The following LRCH1 variants were observed in gnomAD, a reference collection of about 807,000 sequenced individuals.
LRCH1 encodes the protein leucine-rich repeat and calponin homology domain-containing protein 1.
A neutral mutation model predicts 94.9 loss-of-function variants in LRCH1; 23 were observed. The ratio of observed to expected loss-of-function variants is 0.24; its 90% CI spans 0.17 to 0.34. The LOEUF is 0.34. LRCH1 is among the 10% of genes least tolerant of loss of function. The pLI, the probability that LRCH1 is intolerant of heterozygous loss-of-function variation, is 1.00. For missense variants in LRCH1, 790 were observed against 945.9 expected (o/e 0.84, Z 2.16); for synonymous variants, 364 against 354.9 (o/e 1.03, Z -0.29).
intron 9 of LRCH1, among the ~76,000 whole-genome samples, chr13:46,698,226 A>T (rs1423807390): frequency 6.6e-6 from 1 of 152,202 alleles, no homozygotes; most frequent in African/African-American, 2.4e-5. Context: ...CCAGTTAGCT[A>T]ATGATATGCC....
chr13:46,749,749 C>A (rs1467049513), downstream of LRCH1, among the ~76,000 whole-genome samples: 1 of 152,178 alleles, frequency 6.6e-6, no homozygotes, highest in African/African-American at 2.4e-5. Flanking sequence ...AGAAGATTCT[C>A]TTGAATGATA....
At chr13:46,722,452 A>G (rs942485068) in intron 16 of LRCH1, among the ~76,000 whole-genome samples, 3 of 152,246 alleles carry the variant, frequency 2.0e-5, no homozygotes, top group Admixed American at 1.3e-4. Context: ...TCTCCGATGC[A>G]TAGAACATTA....
At chr13:46,674,329 G>A (rs933292720) in intron 3 of LRCH1, among the ~76,000 whole-genome samples, 2 of 152,126 alleles carry the variant, frequency 1.3e-5, no homozygotes, top group Admixed American at 1.3e-4. Flanking sequence ...ATTTGAGACT[G>A]TGCAGGGAAT....
At position 46,686,021 on chromosome 13, in the gene LRCH1, C is replaced by T. The variant is rs762216314; in HGVS notation, c.802C>T (p.Leu268=). ...LQVLLLENNP[L]QSPPAQICTK... Reference sequence around the variant, plus strand: ...AGTGTTACTACTTGAGAATAACCCTCTGCAGTCTCCTCCAGCACAGGTGAG... The same window carrying T: ...AGTGTTACTACTTGAGAATAACCCTTTGCAGTCTCCTCCAGCACAGGTGAG... The change falls in exon 5 of 20, where the codon CTG becomes TTG. Residue 268 remains leucine (L), a synonymous_variant. Coordinates refer to ENST00000389797, the MANE Select transcript of LRCH1 (RefSeq NM_001164211.2). The T allele has an allele frequency of 6.2e-7, 1 of 1,603,550 alleles. No homozygotes were observed. The highest frequency in any genetic ancestry group is 8.5e-7 in the Non-Finnish European group (1 of 1,176,092).
At chr13:46,698,923 G>C (rs1171920545) in intron 9 of LRCH1, among the ~76,000 whole-genome samples, 1 of 152,216 alleles carries the variant, frequency 6.6e-6, no homozygotes, top group Admixed American at 6.5e-5. Flanking sequence ...TTGCAAAACT[G>C]ACCCTGTGTA....
chr13:46,688,312 A>G (rs1870724666), intron 6 of LRCH1, among the ~76,000 whole-genome samples: 1 of 152,228 alleles, frequency 6.6e-6, no homozygotes, highest in South Asian at 2.1e-4. Flanking sequence ...TTTTTTACTT[A>G]TCAAAATAAC....
chr13:46,726,966 TTCA>T (rs1869111416), intron 17 of LRCH1, among the ~76,000 whole-genome samples: 1 of 151,450 alleles, frequency 6.6e-6, no homozygotes, highest in African/African-American at 2.4e-5. Flanking sequence ...CTGCAAATCC[TTCA>T]TCATTCCAAG....
chr13:46,676,018 C>T (rs1456615691), intron 3 of LRCH1, among the ~76,000 whole-genome samples: 2 of 152,202 alleles, frequency 1.3e-5, no homozygotes, highest in Non-Finnish European at 2.9e-5. Flanking sequence ...GTGGCTCATG[C>T]CTGTAATCCC....
chr13:46,590,569 G>A (rs2050487977), intron 1 of LRCH1, among the ~76,000 whole-genome samples: 1 of 152,174 alleles, frequency 6.6e-6, no homozygotes, highest in African/African-American at 2.4e-5. Context: ...GGAGGCTAAG[G>A]CAGGAGGATC....
chr13:46,719,737 C>T (rs752039455), intron 16 of LRCH1, among the ~76,000 whole-genome samples: 9 of 152,324 alleles, frequency 5.9e-5, no homozygotes, highest in South Asian at 4.1e-4. Flanking sequence ...GTAGCTCACG[C>T]CTGAATTCCC....
intron 3 of LRCH1, 84 bp downstream of exon 3, chr13:46,669,240 C>T (rs1298946949): frequency 2.5e-5 from 38 of 1,524,034 alleles, no homozygotes; most frequent in Non-Finnish European, 3.0e-5. Flanking sequence ...CTTTTTGCTA[C>T]GGTTGGACAA....
intron 1 of LRCH1, among the ~76,000 whole-genome samples, chr13:46,610,814 T>C (rs1435916226): frequency 6.6e-6 from 1 of 152,244 alleles, no homozygotes; most frequent in Non-Finnish European, 1.5e-5. Flanking sequence ...ACAGTATCTT[T>C]TCAGATATGT....
At chr13:46,668,888 C>A in intron 2 of LRCH1, 142 bp from the exon 3 acceptor site, 1 of 722,232 alleles carries the variant, frequency 1.4e-6, no homozygotes, top group Non-Finnish European at 2.2e-6. Context: ...TGAGTTGTCA[C>A]ACAGAAAATA....
chr13:46,669,162 T>C lies in LRCH1; in HGVS notation c.579+6T>C. ...TCAAACAGTTAATGGAGCTGGTATGTTACCGATTTTTAAGATGCTCTTTTT... is the reference window on the plus strand; with the variant it reads ...TCAAACAGTTAATGGAGCTGGTATGCTACCGATTTTTAAGATGCTCTTTTT... On this transcript the variant is annotated splice_donor_region_variant and intron_variant, in intron 3 of 19. Transcript: ENST00000389797. 1.9e-6 allele frequency: 3 copies of C among 1,612,968 alleles called. No individual in the cohort carries two copies. The highest frequency in any genetic ancestry group is 2.5e-6 in the Non-Finnish European group (3 of 1,179,428).
intron 8 of LRCH1, among the ~76,000 whole-genome samples, chr13:46,694,022 C>A (rs9567720): frequency 0.75 from 114,486 of 152,170 alleles, 43,223 homozygotes; most frequent in East Asian, 0.92. Flanking sequence ...ATCATGGGAA[C>A]CATATGTTGT....
At chr13:46,624,762 A>G (rs1310287281) in intron 1 of LRCH1, among the ~76,000 whole-genome samples, 3 of 152,240 alleles carry the variant, frequency 2.0e-5, no homozygotes, top group African/African-American at 7.2e-5. Context: ...GAAAAACGAT[A>G]TTAACACCTT....
intron 13 of LRCH1, among the ~76,000 whole-genome samples, chr13:46,709,126 C>T (rs1163640278): frequency 1.3e-5 from 2 of 152,188 alleles, no homozygotes; most frequent in East Asian, 3.8e-4. Context: ...AAATTCATTT[C>T]CTTGTGTTTG....
chr13:46,687,288 A>G (rs1870670844), intron 5 of LRCH1, among the ~76,000 whole-genome samples: 4 of 152,214 alleles, frequency 2.6e-5, no homozygotes, highest in African/African-American at 7.2e-5. Flanking sequence ...GTTAGCTGGA[A>G]AATGGAATTT....
intron 1 of LRCH1, among the ~76,000 whole-genome samples, chr13:46,648,270 G>A (rs1021097962): frequency 6.6e-6 from 1 of 152,138 alleles, no homozygotes; most frequent in Admixed American, 6.5e-5. Flanking sequence ...GACAGGAGGC[G>A]GAGCTCAGGC....
Sources: gnomAD v4.1 joint callset for allele counts (sites outside exome capture counted in the v4.1 genomes callset) on GRCh38, gnomAD v4.1.1 for gene constraint, MANE v1.5 for transcripts, NCBI Gene and HGNC (gene_info 2026-07-23, HGNC 2026-07-21) for gene names.